SLC6A17: variants seen among roughly 807,000 people sequenced by gnomAD.
The protein encoded by SLC6A17 is sodium-dependent neutral amino acid transporter SLC6A17.
A neutral mutation model predicts 64.5 loss-of-function variants in SLC6A17; 21 were observed. That is an observed-to-expected ratio of 0.33 (90% CI 0.23 to 0.47). The LOEUF (loss-of-function observed/expected upper bound fraction) is 0.47, where lower values mean the gene tolerates loss of function less well. Among genes scored for constraint, SLC6A17 ranks in the 20% least tolerant of loss-of-function variants. The probability of loss-of-function intolerance (pLI) is 1.00; values close to 1 mark genes in which losing one functional copy is unlikely to be tolerated. For synonymous variants in SLC6A17, 372 were observed against 399.5 expected (o/e 0.93, Z 0.82); for missense variants, 682 against 963.2 (o/e 0.71, Z 3.86).
Position 110,150,751 on chromosome 1 carries a change from C to CTCCGGG in SLC6A17, c.-217_-212dup, listed in dbSNP as rs1450467078. On this transcript the variant is annotated 5_prime_UTR_variant, in exon 1 of 12. Transcript: ENST00000331565. ...CGGAGTCGCGTGCGCCGGCGCGCAG[C>CTCCGGG]TCCGGGTCGCCCCAGCCCCAGCCGG... 1 of 152,192 alleles carries CTCCGGG rather than the reference C, an allele frequency of 6.6e-6. No individual in the cohort carries two copies. The highest frequency in any genetic ancestry group is 1.5e-5 in the Non-Finnish European group (1 of 68,032). The allele number at this position is 152,192 out of a possible 1,614,324, so 9.4% of individuals were successfully genotyped here.
chr1:110,167,616 G>A (rs1381808129), intron 2 of SLC6A17, among the ~76,000 whole-genome samples: 1 of 152,230 alleles, frequency 6.6e-6, no homozygotes, highest in Non-Finnish European at 1.5e-5. Flanking sequence ...AGGAGCACCT[G>A]TTGGCCATTA....
chr1:110,172,303 C>T, intron 3 of SLC6A17, 86 bp downstream of exon 3: 3 of 1,476,240 alleles, frequency 2.0e-6, no homozygotes, highest in Non-Finnish European at 2.7e-6. Context: ...GTTTCCAGGC[C>T]AGAGTCCTAC....
intron 1 of SLC6A17, among the ~76,000 whole-genome samples, chr1:110,151,921 T>C (rs1280855852): frequency 6.6e-6 from 1 of 151,978 alleles, no homozygotes; most frequent in Non-Finnish European, 1.5e-5. Context: ...AGGGAAGTGG[T>C]AATGAGGAGG....
intron 6 of SLC6A17, among the ~76,000 whole-genome samples, chr1:110,185,702 G>A (rs1383961040): frequency 6.6e-6 from 1 of 152,210 alleles, no homozygotes; most frequent in Non-Finnish European, 1.5e-5. Context: ...GGGGCGTGGG[G>A]TTTTCTGAAT....
chr1:110,194,669 T>C lies in SLC6A17; in HGVS notation c.1390T>C (p.Leu464=). The stretch of plus-strand genomic sequence containing the variant: ...CCCGTTCTGGTCCGTCATGTTCTTC[T>C]TGATGCTTATCAACCTGGGCCTGGG... The part of the protein sequence containing the change: ...ASPFWSVMFF[L]MLINLGLGSM... The change falls in exon 9 of 12, where the codon TTG becomes CTG. Residue 464 remains leucine (L), a synonymous_variant. Transcript: ENST00000331565. The C allele has an allele frequency of 6.2e-7, 1 of 1,614,206 alleles. No individual in the cohort carries two copies. The highest frequency in any genetic ancestry group is 1.1e-5 in the South Asian group (1 of 91,080).
At position 110,198,616 on chromosome 1, in the gene SLC6A17, C is replaced by A. The variant is rs1557843554; in HGVS notation, c.*172C>A. The A allele has an allele frequency of 2.6e-6, 3 of 1,165,712 alleles. No homozygotes were observed. Among genetic ancestry groups the A allele is most frequent in the Non-Finnish European group, 3.5e-6 (3 of 849,850 alleles). The allele number at this position is 1,165,712 out of a possible 1,614,324, so 72.2% of individuals were successfully genotyped here. ...AGTCCCAGTAGACTCTGCTCCCTAG[C>A]CCTGAGCAGGAGGCTGGGAGCAGCT... On this transcript the variant is annotated 3_prime_UTR_variant, in exon 12 of 12. Coordinates refer to ENST00000331565, the MANE Select transcript of SLC6A17 (RefSeq NM_001010898.4).
At chr1:110,164,276 T>C (rs1346657720) in intron 1 of SLC6A17, among the ~76,000 whole-genome samples, 2 of 152,174 alleles carry the variant, frequency 1.3e-5, no homozygotes, top group East Asian at 3.8e-4. Context: ...CCCAGTGATC[T>C]TCTCCCTGTG....
intron 6 of SLC6A17, among the ~76,000 whole-genome samples, chr1:110,184,397 G>A (rs539131248): frequency 2.0e-5 from 3 of 152,296 alleles, no homozygotes; most frequent in South Asian, 2.1e-4. Flanking sequence ...GAGCCACTGC[G>A]CGCAGCCCAG....
chr1:110,194,863 C>CAGT, intron 9 of SLC6A17, 92 bp downstream of exon 9: 9 of 1,500,344 alleles, frequency 6.0e-6, no homozygotes, highest in African/African-American at 1.4e-5. Context: ...CTTCATGACC[C>CAGT]CACACCCAGA....
rs1657055048 is a variant in SLC6A17, at chr1:110,199,261, C to CA, written c.*817_*818insA. The CA allele has an allele frequency of 6.6e-6, 1 of 152,448 alleles. No homozygotes were observed. The allele number at this position is 152,448 out of a possible 1,614,324, so 9.4% of individuals were successfully genotyped here. On this transcript the variant is annotated 3_prime_UTR_variant, in exon 12 of 12. Coordinates refer to ENST00000331565, the MANE Select transcript of SLC6A17 (RefSeq NM_001010898.4). ...AGCCATCTCCCTGTCCCCAGCACCCCTCCCCAGCCCACAGTGGTGGCCTCT... is the reference window on the plus strand; with the variant it reads ...AGCCATCTCCCTGTCCCCAGCACCCCATCCCCAGCCCACAGTGGTGGCCTCT...
At chr1:110,195,944 G>A (rs538593795) in intron 10 of SLC6A17, among the ~76,000 whole-genome samples, 199 bp downstream of exon 10, 4 of 152,326 alleles carry the variant, frequency 2.6e-5, no homozygotes, top group African/African-American at 4.8e-5. Flanking sequence ...TCTGAGGACT[G>A]GGTGTCCTGG....
chr1:110,193,504 G>C (rs142172230), intron 8 of SLC6A17, among the ~76,000 whole-genome samples: 2 of 152,368 alleles, frequency 1.3e-5, no homozygotes, highest in African/African-American at 4.8e-5. Context: ...TGGAGCCAAG[G>C]CTCACATGGG....
intron 1 of SLC6A17, among the ~76,000 whole-genome samples, chr1:110,152,304 A>G (rs1457891867): frequency 6.6e-6 from 1 of 152,162 alleles, no homozygotes; most frequent in African/African-American, 2.4e-5. Context: ...TAGGTGGTTG[A>G]GTTTCAGCGA....
At chr1:110,189,583 G>A (rs374812526) in intron 6 of SLC6A17, among the ~76,000 whole-genome samples, 2 of 151,960 alleles carry the variant, frequency 1.3e-5, no homozygotes, top group South Asian at 2.1e-4. Flanking sequence ...TAAACCCCTC[G>A]GTGGCTTCTT....
rs1656870867 is a variant in SLC6A17, at chr1:110,192,972, TG to T, written c.1299+275del. On this transcript the variant is annotated intron_variant, in intron 8 of 11. Coordinates refer to ENST00000331565, the MANE Select transcript of SLC6A17 (RefSeq NM_001010898.4). The surrounding 1 kb of genome is among the most constrained non-coding windows in gnomAD (Gnocchi z 4.3). ...TGTATGGGACGATGTTTCCATTTAC[TG>T]AGTGGGCTTCTCGTGCATCAGTCAC... 6.6e-6 allele frequency among the ~76,000 whole-genome samples: 1 copy of T among 152,226 alleles called. No individual in the cohort carries two copies. Among genetic ancestry groups the T allele is most frequent in the Non-Finnish European group, 1.5e-5 (1 of 68,030 alleles).
At chr1:110,189,068 A>G (rs1656759929) in intron 6 of SLC6A17, among the ~76,000 whole-genome samples, 1 of 152,092 alleles carries the variant, frequency 6.6e-6, no homozygotes, top group Admixed American at 6.5e-5. Context: ...TCAGTGTTGG[A>G]GATAGGAGCA....
chr1:110,198,830 T>G lies in SLC6A17; in HGVS notation c.*386T>G. The G allele has an allele frequency of 5.4e-6, 1 of 185,882 alleles. No individual in the cohort carries two copies. Among genetic ancestry groups the G allele is most frequent in the Non-Finnish European group, 1.1e-5 (1 of 89,622 alleles). 11.5% of individuals were successfully genotyped at this position (185,882 alleles called of 1,614,324 possible). A position where few individuals can be genotyped will look rare whatever the true frequency, so the allele number is the denominator to read the frequency against. On this transcript the variant is annotated 3_prime_UTR_variant, in exon 12 of 12. Transcript: ENST00000331565. ...ACCTGCAGTTCTTAGGGCTGTGGGG[T>G]CAGATGGTGGTGGTGAGAGGCCTTG...
chr1:110,183,480 G>A (rs1656585372), intron 6 of SLC6A17, among the ~76,000 whole-genome samples: 1 of 152,204 alleles, frequency 6.6e-6, no homozygotes, highest in Non-Finnish European at 1.5e-5. Flanking sequence ...GGTTGGGGGA[G>A]ACATGGGGAA....
intron 6 of SLC6A17, among the ~76,000 whole-genome samples, chr1:110,191,608 A>G (rs1656825899): frequency 6.6e-6 from 1 of 152,194 alleles, no homozygotes. Flanking sequence ...CTGTAGTCCA[A>G]GTGAATGGCA....
Sources: allele counts gnomAD v4.1 joint callset (sites outside exome capture counted in the v4.1 genomes callset), GRCh38; gene constraint gnomAD v4.1.1; non-coding constraint Gnocchi (gnomAD v3.1); transcripts MANE v1.5; gene names NCBI Gene and HGNC (gene_info 2026-07-23, HGNC 2026-07-21).